The following NRIP1 variants were observed in gnomAD, a reference collection of about 807,000 sequenced individuals.
NRIP1 encodes the protein nuclear receptor-interacting protein 1.
Under a neutral mutation model 75.0 loss-of-function variants are expected in NRIP1, and 28 were observed. That is an observed-to-expected ratio of 0.37 (90% CI 0.28 to 0.51). NRIP1 has a LOEUF of 0.51. Among genes scored for constraint, NRIP1 ranks in the 20% least tolerant of loss-of-function variants. NRIP1 has a pLI of 0.92. For synonymous variants in NRIP1, 526 were observed against 487.6 expected (o/e 1.08, Z -1.04); for missense variants, 1,435 against 1,343.7 (o/e 1.07, Z -1.06).
Position 14,965,243 on chromosome 21 carries a change from G to A in NRIP1, c.2950C>T (p.Leu984=), listed in dbSNP as rs768878371. 1 of 1,613,968 alleles carries A rather than the reference G, an allele frequency of 6.2e-7. No individual in the cohort carries two copies. Among genetic ancestry groups the A allele is most frequent in the Non-Finnish European group, 8.5e-7 (1 of 1,179,936 alleles). Residue 984 remains leucine (L), a synonymous_variant, in exon 4 of 4, where the codon CTG becomes TTG. Coordinates refer to ENST00000318948, the MANE Select transcript of NRIP1 (RefSeq NM_003489.4). ...PEFSISSLNG[L]MYSSTQPSSC... ...CTGGGCTGAGTGGAACTGTACATCA[G>A]TCCATTTAAAGAAGAAATGCTAAAT...
intron 3 of NRIP1, among the ~76,000 whole-genome samples, chr21:14,985,883 G>A (rs1435280180): frequency 6.6e-6 from 1 of 152,046 alleles, no homozygotes; most frequent in African/African-American, 2.4e-5. Context: ...TCTTTTGATG[G>A]AGATATTAAG....
intron 1 of NRIP1, among the ~76,000 whole-genome samples, chr21:15,056,600 G>A (rs143074297): frequency 6.8e-4 from 104 of 152,034 alleles, no homozygotes; most frequent in African/African-American, 2.3e-3. Flanking sequence ...TGTTCACTTT[G>A]ACAATTTCTC....
intron 2 of NRIP1, among the ~76,000 whole-genome samples, chr21:15,021,087 A>G (rs2088361638): frequency 6.6e-6 from 1 of 152,186 alleles, no homozygotes; most frequent in Non-Finnish European, 1.5e-5. Flanking sequence ...TGAAAAATAT[A>G]TGTCCACAAA....
intron 1 of NRIP1, among the ~76,000 whole-genome samples, chr21:15,055,101 G>A (rs2089278531): frequency 6.6e-6 from 1 of 152,064 alleles, no homozygotes; most frequent in Admixed American, 6.6e-5. Context: ...CTTGGTTCAT[G>A]GCACATTATC....
At chr21:14,994,886 A>C (rs1335389534) in intron 3 of NRIP1, among the ~76,000 whole-genome samples, 1 of 152,230 alleles carries the variant, frequency 6.6e-6, no homozygotes, top group Non-Finnish European at 1.5e-5. Flanking sequence ...CAACAAGTTC[A>C]AGTATTCTAG....
rs1391042603 is a variant in NRIP1 at position 14,965,419 on chromosome 21, C to G, written c.2774G>C (p.Ser925Thr). Residue 925 changes from serine (S) to threonine (T), a missense_variant, in exon 4 of 4, where the codon AGT (serine) becomes ACT (threonine). Ser to Thr is a moderately conservative substitution (Grantham distance 58, BLOSUM62 1). Transcript: ENST00000318948. ...AAAGCTTTTGCTCTCTCTGGCCCAA[C>G]TCCTGTGTTCACTTTCGCTGGCTGA... ...HGSASESEHRSWARESKSFNV... is the reference protein window; with the variant it reads ...HGSASESEHRTWARESKSFNV... The G allele has an allele frequency of 6.2e-7, 1 of 1,614,024 alleles. No individual in the cohort carries two copies.
intron 2 of NRIP1, among the ~76,000 whole-genome samples, chr21:15,018,617 A>G (rs1213067420): frequency 6.6e-6 from 1 of 152,224 alleles, no homozygotes; most frequent in Non-Finnish European, 1.5e-5. Context: ...AAGGAAAAAA[A>G]TGGTAACAAA....
intron 1 of NRIP1, among the ~76,000 whole-genome samples, chr21:15,048,929 T>C (rs1414053631): frequency 6.6e-6 from 1 of 152,160 alleles, no homozygotes; most frequent in Non-Finnish European, 1.5e-5. Context: ...AATCAACAGG[T>C]GTAGACATCT....
In NRIP1 at chr21:15,026,158, G is replaced by A. The variant is rs2088514523; in HGVS notation, c.-457-11692C>T. On this transcript the variant is annotated intron_variant, in intron 2 of 3. Coordinates refer to ENST00000318948, the MANE Select transcript of NRIP1 (RefSeq NM_003489.4). ...TTGTACGTGTAACTTTTCTGTATGT[G>A]TTACTTTAAAATTAAAAATATGTAG... Among the ~76,000 whole-genome samples the A allele has an allele frequency of 2.0e-5, 3 of 152,170 alleles. No homozygotes were observed. The South Asian group carries it at 6.2e-4, about 32-fold the overall frequency.
chr21:15,051,338 A>G (rs1032299749), intron 1 of NRIP1: 1 of 160,108 alleles, frequency 6.2e-6, no homozygotes, highest in African/African-American at 2.4e-5. Context: ...GGTCAATAAA[A>G]AATTATTACA....
chr21:14,968,078 T>C lies in NRIP1; in HGVS notation c.115A>G (p.Lys39Glu), dbSNP rs775647327. The C allele has an allele frequency of 1.9e-6, 3 of 1,614,120 alleles. No homozygotes were observed. The highest frequency in any genetic ancestry group is 2.5e-6 in the Non-Finnish European group (3 of 1,180,010). ...TCTTCATTATGCCCAGCAGACTTTTTGTCAACGGCAGTACCTGATCCCCCT... is the reference window on the plus strand; with the variant it reads ...TCTTCATTATGCCCAGCAGACTTTTCGTCAACGGCAGTACCTGATCCCCCT... ...AAGGSGTAVD[K>E]KSAGHNEEDQ... Residue 39 changes from lysine to glutamate, a missense_variant, in exon 4 of 4, where the codon AAA becomes GAA. Coordinates refer to ENST00000318948, the MANE Select transcript of NRIP1 (RefSeq NM_003489.4).
At chr21:15,050,149 A>T (rs1347750477) in intron 1 of NRIP1, 1 of 152,748 alleles carries the variant, frequency 6.5e-6, no homozygotes, top group African/African-American at 2.4e-5. Flanking sequence ...GAAACAATTC[A>T]GAGTCAGACA....
Position 15,021,328 on chromosome 21 carries a change from G to A in NRIP1, c.-457-6862C>T, listed in dbSNP as rs117270634. Among the ~76,000 whole-genome samples, 327 of 152,278 alleles carry A rather than the reference G, an allele frequency of 2.1e-3. 9 individuals carry two copies. In the East Asian group the frequency reaches 0.046, roughly 21 times the overall value. On this transcript the variant is annotated intron_variant, in intron 2 of 3. Transcript: ENST00000318948. Reference sequence around the variant, plus strand: ...ATGATTCCAAAAAGATATCTATATTGTATGATTCCATTTATATATGAAATG... The same window carrying A: ...ATGATTCCAAAAAGATATCTATATTATATGATTCCATTTATATATGAAATG...
At chr21:15,058,499 TA>T (rs377424618) in intron 1 of NRIP1, among the ~76,000 whole-genome samples, 474 of 152,120 alleles carry the variant, frequency 3.1e-3, no homozygotes, top group Non-Finnish European at 5.0e-3. Flanking sequence ...TTCAGGAATT[TA>T]AAAAAAATCT....
At chr21:15,020,766 T>C (rs909634513) in intron 2 of NRIP1, among the ~76,000 whole-genome samples, 3 of 152,080 alleles carry the variant, frequency 2.0e-5, no homozygotes, top group East Asian at 1.9e-4. Flanking sequence ...AAAGAAGACA[T>C]GTGAATGTTT....
chr21:15,054,428 T>C (rs550662384), intron 1 of NRIP1, among the ~76,000 whole-genome samples: 3 of 152,340 alleles, frequency 2.0e-5, no homozygotes, highest in South Asian at 4.1e-4. Flanking sequence ...TAATATAATT[T>C]GCGTATTACT....
intron 3 of NRIP1, among the ~76,000 whole-genome samples, chr21:14,980,557 GT>G (rs1411855998): frequency 7.0e-6 from 1 of 143,394 alleles, no homozygotes; most frequent in African/African-American, 2.8e-5. Flanking sequence ...TGTTTTAGCT[GT>G]TTAAACAAGA....
rs1416332382 is a variant in NRIP1 at position 14,967,912 on chromosome 21, T to A, written c.281A>T (p.Asn94Ile). The change falls in exon 4 of 4, where the codon AAT becomes ATT. Residue 94 changes from asparagine to isoleucine, a missense_variant. Physicochemically the swap from Asn to Ile is moderately radical, Grantham distance 149. Transcript: ENST00000318948. ...ARLLQSSEDW[N>I]AAKRKRLSDS... ...AGACAGCCTCTTCCGCTTTGCTGCA[T>A]TCCAGTCCTCAGAAGACTGCAACAG... 4 of 1,614,038 alleles carry A rather than the reference T, an allele frequency of 2.5e-6. No homozygotes were observed. Among genetic ancestry groups the A allele is most frequent in the Non-Finnish European group, 3.4e-6 (4 of 1,180,034 alleles).
At chr21:15,047,103 G>C (rs2089096441) in intron 1 of NRIP1, among the ~76,000 whole-genome samples, 1 of 152,122 alleles carries the variant, frequency 6.6e-6, no homozygotes, top group African/African-American at 2.4e-5. Flanking sequence ...AAAGGAAAGA[G>C]GTTTCATTGA....
Sources: allele counts gnomAD v4.1 joint callset (sites outside exome capture counted in the v4.1 genomes callset), GRCh38; gene constraint gnomAD v4.1.1; transcripts MANE v1.5; gene names NCBI Gene and HGNC (gene_info 2026-07-23, HGNC 2026-07-21).